Variants in PDZRN4 observed in about 807,000 individuals in gnomAD.
PDZRN4 encodes the protein PDZ domain-containing RING finger protein 4.
Under a neutral mutation model 99.0 loss-of-function variants are expected in PDZRN4, and 70 were observed. That is an observed-to-expected ratio of 0.71 (90% confidence interval 0.58 to 0.86). The LOEUF (loss-of-function observed/expected upper bound fraction) is 0.86, where lower values mean the gene tolerates loss of function less well. PDZRN4 is among the 40% of genes least tolerant of loss of function. PDZRN4 has a pLI of 0.00. For synonymous variants in PDZRN4, 551 were observed against 501.6 expected (o/e 1.10, Z -1.32); for missense variants, 1,474 against 1,331.2 (o/e 1.11, Z -1.67).
chr12:41,354,120 C>T (rs997203906), intron 3 of PDZRN4, among the ~76,000 whole-genome samples: 3 of 151,970 alleles, frequency 2.0e-5, no homozygotes, highest in South Asian at 4.1e-4. Context: ...TTTGAGTAGA[C>T]GCAACAAATA....
intron 3 of PDZRN4, among the ~76,000 whole-genome samples, chr12:41,235,699 T>C (rs1057515226): frequency 6.6e-6 from 1 of 152,218 alleles, no homozygotes; most frequent in African/African-American, 2.4e-5. Context: ...AAAAACCCTC[T>C]ATGAAGAACC....
chr12:41,556,286 C>G (rs1939160703), intron 7 of PDZRN4, among the ~76,000 whole-genome samples: 1 of 152,194 alleles, frequency 6.6e-6, no homozygotes, highest in Admixed American at 6.5e-5. Flanking sequence ...GTGCCAACTA[C>G]AGTCATGAGT....
intron 3 of PDZRN4, among the ~76,000 whole-genome samples, chr12:41,234,392 C>T (rs1269299850): frequency 6.6e-6 from 1 of 152,084 alleles, no homozygotes; most frequent in African/African-American, 2.4e-5. Flanking sequence ...TTTTTCAGAG[C>T]TTCAAAACAG....
intron 3 of PDZRN4, among the ~76,000 whole-genome samples, chr12:41,424,881 G>T (rs1952522273): frequency 6.6e-6 from 1 of 152,116 alleles, no homozygotes; most frequent in Non-Finnish European, 1.5e-5. Flanking sequence ...GCCTGACAAT[G>T]CTCTTGCACT....
chr12:41,402,876 A>G (rs1456504186), intron 3 of PDZRN4, among the ~76,000 whole-genome samples: 1 of 151,816 alleles, frequency 6.6e-6, no homozygotes, highest in Non-Finnish European at 1.5e-5. Flanking sequence ...AGCACCTGGC[A>G]CAGTGTTTTG....
intron 3 of PDZRN4, among the ~76,000 whole-genome samples, chr12:41,277,731 G>A (rs990993602): frequency 2.2e-4 from 34 of 152,322 alleles, no homozygotes; most frequent in African/African-American, 7.5e-4. Context: ...TTGTTGCAAC[G>A]ATTGAAGAGA....
chr12:41,384,113 T>C (rs533334508), intron 3 of PDZRN4, among the ~76,000 whole-genome samples: 1 of 151,558 alleles, frequency 6.6e-6, no homozygotes, highest in African/African-American at 2.4e-5. Flanking sequence ...AGCGATTCTA[T>C]AGAGACTAAG....
chr12:41,304,890 C>T (rs1195646173), intron 3 of PDZRN4, among the ~76,000 whole-genome samples: 1 of 152,194 alleles, frequency 6.6e-6, no homozygotes, highest in East Asian at 1.9e-4. Flanking sequence ...CTGCATACTG[C>T]ATAACATACT....
chr12:41,438,284 G>C (rs1487284198), intron 3 of PDZRN4, among the ~76,000 whole-genome samples: 1 of 152,146 alleles, frequency 6.6e-6, no homozygotes, highest in African/African-American at 2.4e-5. Context: ...GTAGCACTGA[G>C]ATCCATGTCT....
At chr12:41,526,690 A>T (rs1483410390) in intron 5 of PDZRN4, among the ~76,000 whole-genome samples, 1 of 152,230 alleles carries the variant, frequency 6.6e-6, no homozygotes, top group Non-Finnish European at 1.5e-5. Flanking sequence ...TCTTAGTTTT[A>T]CAACTTTATG....
At chr12:41,464,410 A>T (rs1276398469) in intron 3 of PDZRN4, among the ~76,000 whole-genome samples, 1 of 152,210 alleles carries the variant, frequency 6.6e-6, no homozygotes. Flanking sequence ...TTCCATTCTG[A>T]TGCCATTCAC....
chr12:41,461,094 G>C (rs927933301), intron 3 of PDZRN4, among the ~76,000 whole-genome samples: 1 of 152,150 alleles, frequency 6.6e-6, no homozygotes, highest in African/African-American at 2.4e-5. Flanking sequence ...AGAGAGACTT[G>C]AGTCATTTGA....
chr12:41,399,855 GGTAGA>G (rs1237790051), intron 3 of PDZRN4, among the ~76,000 whole-genome samples: 1 of 151,886 alleles, frequency 6.6e-6, no homozygotes, highest in Non-Finnish European at 1.5e-5. Context: ...TCGTTTTTAG[GGTAGA>G]ATCCAATCAC....
At chr12:41,325,806 C>T (rs911131220) in intron 3 of PDZRN4, among the ~76,000 whole-genome samples, 2 of 152,124 alleles carry the variant, frequency 1.3e-5, no homozygotes, top group African/African-American at 4.8e-5. Context: ...ATGGAACATA[C>T]ACTATGATAA....
intron 3 of PDZRN4, among the ~76,000 whole-genome samples, chr12:41,407,423 A>G (rs769745081): frequency 1.3e-5 from 2 of 152,220 alleles, no homozygotes; most frequent in Admixed American, 1.3e-4. Context: ...CCCTGGCTGG[A>G]TAACCCATTT....
At chr12:41,302,701 TGA>T (rs914127206) in intron 3 of PDZRN4, among the ~76,000 whole-genome samples, 3 of 152,108 alleles carry the variant, frequency 2.0e-5, no homozygotes, top group African/African-American at 7.2e-5. Flanking sequence ...ATTTATTCAA[TGA>T]GATGTCACAG....
rs1242466934 is a variant in PDZRN4, at chr12:41,188,545, C to A, written c.90C>A (p.Cys30Ter). 7 of 1,568,276 alleles carry A rather than the reference C, an allele frequency of 4.5e-6. No homozygotes were observed. Among genetic ancestry groups the A allele is most frequent in the Non-Finnish European group, 4.3e-6 (5 of 1,165,080 alleles). The change falls in exon 1 of 10, where the codon TGC (cysteine) becomes TGA (stop). Residue 30 changes from cysteine to a stop codon, truncating the protein, a stop_gained. Transcript: ENST00000402685. LOFTEE classifies it high-confidence loss of function. ...GCCAGGTGCTTGAAGAGCCCCTGTG[C>A]ACGCCGTGCGGGCACGTCTTCTGCG... Reference protein sequence around the residue: ...LCGQVLEEPLCTPCGHVFCAS... With the variant: ...LCGQVLEEPL
intron 3 of PDZRN4, among the ~76,000 whole-genome samples, chr12:41,442,739 G>A (rs563599677): frequency 3.4e-4 from 51 of 152,230 alleles, no homozygotes; most frequent in African/African-American, 1.1e-3. Flanking sequence ...CACTAGTAAT[G>A]GGGCAAGGGT....
intron 3 of PDZRN4, among the ~76,000 whole-genome samples, chr12:41,321,086 A>G (rs1171986153): frequency 6.6e-6 from 1 of 152,180 alleles, no homozygotes; most frequent in Non-Finnish European, 1.5e-5. Flanking sequence ...ATAAATTTCT[A>G]AAATTTTTCT....
Sources: gnomAD v4.1 joint callset for allele counts (sites outside exome capture counted in the v4.1 genomes callset) on GRCh38, gnomAD v4.1.1 for gene constraint, MANE v1.5 for transcripts, NCBI Gene and HGNC (gene_info 2026-07-23, HGNC 2026-07-21) for gene names.